HMCN1: variants seen among roughly 807,000 people sequenced by gnomAD.
The protein encoded by HMCN1 is hemicentin-1.
HMCN1 carries 321 observed loss-of-function variants against 625.9 expected under a neutral mutation model. The ratio of observed to expected loss-of-function variants is 0.51; its 90% CI spans 0.47 to 0.56. The LOEUF (loss-of-function observed/expected upper bound fraction) is 0.56, where lower values mean the gene tolerates loss of function less well. Ranked by LOEUF, HMCN1 falls within the 20% of genes least tolerant of loss-of-function variation. HMCN1 has a pLI of 0.00. For synonymous variants in HMCN1, 2,425 were observed against 2,417.6 expected, an observed-to-expected ratio of 1.00 and a Z score of -0.09; for missense variants, 6,588 against 6,887.3, an observed-to-expected ratio of 0.96 and a Z score of 1.54.
intron 11 of HMCN1, among the ~76,000 whole-genome samples, chr1:185,950,153 C>T (rs889480645): frequency 1.3e-5 from 2 of 151,148 alleles, no homozygotes; most frequent in South Asian, 2.1e-4. Flanking sequence ...GGTGTGGTAT[C>T]GGGAATAATG....
intron 3 of HMCN1, among the ~76,000 whole-genome samples, chr1:185,865,212 C>T (rs1663104378): frequency 6.6e-6 from 1 of 152,166 alleles, no homozygotes; most frequent in Non-Finnish European, 1.5e-5. Context: ...TTGGTTTAGG[C>T]ATGTCCTTCT....
intron 54 of HMCN1, 61 bp downstream of exon 54, chr1:186,076,683 G>A (rs1487988443): frequency 6.6e-7 from 1 of 1,510,652 alleles, no homozygotes; most frequent in Non-Finnish European, 9.1e-7. Flanking sequence ...TTCCTCTCAT[G>A]TATTAGACGA....
At chr1:185,839,159 T>C (rs1166929882) in intron 1 of HMCN1, among the ~76,000 whole-genome samples, 1 of 152,244 alleles carries the variant, frequency 6.6e-6, no homozygotes, top group Non-Finnish European at 1.5e-5. Flanking sequence ...ACTTTTCTCT[T>C]CTTCATCAAC....
chr1:185,832,012 A>T (rs79833691), intron 1 of HMCN1, among the ~76,000 whole-genome samples: 16,196 of 152,070 alleles, frequency 0.11, 2,777 homozygotes, highest in African/African-American at 0.36. Context: ...AAAGTTGATA[A>T]TGGCCGGGCG....
rs775110746 is a variant in HMCN1, at chr1:186,174,535, G to A, written c.15836G>A (p.Gly5279Glu). ...GTAGATATTGATGAATGTAAAGATG[G>A]GACCCATCAGTGCAGATATAACCAG... ...TCIDIDECKD[G>E]THQCRYNQIC... Residue 5279 changes from glycine (G) to glutamate (E), a missense_variant, in exon 103 of 107, where the codon GGG becomes GAG. Physicochemically the swap from Gly to Glu is moderately conservative, Grantham distance 98. This residue lies in a region of HMCN1 where 1,954 missense variants were observed against 2,013.1 expected (regional missense o/e 0.97). Transcript: ENST00000271588. The A allele has an allele frequency of 6.2e-7, 1 of 1,613,620 alleles. No individual in the cohort carries two copies. Among genetic ancestry groups the A allele is most frequent in the Non-Finnish European group, 8.5e-7 (1 of 1,179,684 alleles).
rs1651699866 is a variant in HMCN1 at position 185,982,330 on chromosome 1, T to C, written c.2731T>C (p.Cys911Arg). The C allele has an allele frequency of 6.2e-7, 1 of 1,613,284 alleles. No homozygotes were observed. The highest frequency in any genetic ancestry group is 8.5e-7 in the Non-Finnish European group (1 of 1,179,350). The change falls in exon 18 of 107, where the codon TGT becomes CGT. Residue 911 changes from cysteine (C) to arginine (R), a missense_variant. Transcript: ENST00000271588. ...VIEGQQLTLP[C>R]TLLAGNPIPE... ...TGAAGGACAGCAGCTTACTTTGCCC[T>C]GTACTCTGTTAGCTGGAAATCCCAT...
chr1:185,812,282 A>C (rs1166248551), intron 1 of HMCN1, among the ~76,000 whole-genome samples: 4 of 152,114 alleles, frequency 2.6e-5, no homozygotes, highest in Non-Finnish European at 5.9e-5. Flanking sequence ...TTATTTTGGC[A>C]TGTTTGATTG....
chr1:185,989,394 T>C, intron 20 of HMCN1, 94 bp from the exon 21 acceptor site: 1 of 1,439,726 alleles, frequency 6.9e-7, no homozygotes, highest in East Asian at 2.3e-5. Context: ...GATGTTTTTT[T>C]CTCTCTATTC....
chr1:185,779,972 T>C (rs972716090), intron 1 of HMCN1, among the ~76,000 whole-genome samples: 4 of 152,220 alleles, frequency 2.6e-5, no homozygotes, highest in Non-Finnish European at 5.9e-5. Flanking sequence ...ATTCTTCCTA[T>C]CCATGAGCAT....
At chr1:186,133,912 G>T (rs1649399621) in intron 86 of HMCN1, among the ~76,000 whole-genome samples, 1 of 149,644 alleles carries the variant, frequency 6.7e-6, no homozygotes, top group Admixed American at 6.7e-5. Flanking sequence ...CTTTACTGCA[G>T]ATTTTCCAGA....
chr1:186,123,353 G>A, intron 81 of HMCN1, 133 bp downstream of exon 81: 1 of 1,039,238 alleles, frequency 9.6e-7, no homozygotes, highest in Non-Finnish European at 1.4e-6. Context: ...GGGGTGTGGT[G>A]TGTAGGTGCA....
rs1246976583 is a variant in HMCN1 at position 186,074,828 on chromosome 1, T to C, written c.8227T>C (p.Tyr2743His). 1 of 1,613,104 alleles carries C rather than the reference T, an allele frequency of 6.2e-7. No homozygotes were observed. Among genetic ancestry groups the C allele is most frequent in the Non-Finnish European group, 8.5e-7 (1 of 1,179,344 alleles). Residue 2743 changes from tyrosine (Y) to histidine (H), a missense_variant, in exon 53 of 107, where the codon TAT becomes CAT. By Grantham distance (83) the Tyr-to-His change is moderately conservative. Coordinates refer to ENST00000271588, the MANE Select transcript of HMCN1 (RefSeq NM_031935.3). ...KEAQISDTGR[Y>H]TCVASNIAGE... is the part of the protein sequence containing the mutation. ...GGCTCAAATATCAGACACCGGACGA[T>C]ATACTTGTGTAGCATCTAACATTGC...
chr1:186,076,171 G>C (rs1024008717), intron 53 of HMCN1, among the ~76,000 whole-genome samples: 1 of 152,114 alleles, frequency 6.6e-6, no homozygotes, highest in Non-Finnish European at 1.5e-5. Flanking sequence ...AAGTGCCAGA[G>C]CCCTTTAACG....
At position 185,994,827 on chromosome 1, in the gene HMCN1, T is replaced by C. The variant is rs559672796; in HGVS notation, c.3518T>C (p.Ile1173Thr). Residue 1173 changes from isoleucine to threonine, a missense_variant, in exon 24 of 107, where the codon ATA (isoleucine) becomes ACA (threonine). Transcript: ENST00000271588. ...VKLNVHVPPK[I>T]QRGPKHLKVQ... ...TTATTATTTCTAGTTCCTCCAAAGATACAGCGTGGACCTAAACATCTCAAA... is the reference window on the plus strand; with the variant it reads ...TTATTATTTCTAGTTCCTCCAAAGACACAGCGTGGACCTAAACATCTCAAA... 16 of 1,613,522 alleles carry C rather than the reference T, an allele frequency of 9.9e-6. No individual in the cohort carries two copies. The East Asian group carries it at 3.3e-4, about 34-fold the overall frequency.
chr1:185,997,373 G>T (rs1652863541), intron 24 of HMCN1, 56 bp from the exon 25 acceptor site: 1 of 1,071,688 alleles, frequency 9.3e-7, no homozygotes, highest in African/African-American at 1.6e-5. Context: ...TGTGCCTTAG[G>T]AGAGTTTGAA....
chr1:185,963,857 C>A lies in HMCN1; in HGVS notation c.2060C>A (p.Ala687Asp). ...GIYGCLASNS[A>D]GTDKQNSTLR... ...TATGGTTGCCTAGCAAGTAATTCAG[C>A]TGGAACAGATAAACAGAATTCTACT... The change falls in exon 13 of 107, where the codon GCT (alanine) becomes GAT (aspartate). Residue 687 changes from alanine (A) to aspartate (D), a missense_variant. Around this residue, in one of 3 missense-constraint regions of HMCN1, gnomAD observed 4,628 missense variants for 4,853.1 expected, o/e 0.95. Coordinates refer to ENST00000271588, the MANE Select transcript of HMCN1 (RefSeq NM_031935.3). The A allele has an allele frequency of 6.2e-7, 1 of 1,611,996 alleles. No individual in the cohort carries two copies. The highest frequency in any genetic ancestry group is 8.5e-7 in the Non-Finnish European group (1 of 1,178,422).
intron 1 of HMCN1, among the ~76,000 whole-genome samples, chr1:185,809,113 C>T (rs182093164): frequency 5.3e-5 from 8 of 152,192 alleles, no homozygotes; most frequent in East Asian, 3.9e-4. Context: ...ACTTTATTAA[C>T]GTCTCTTTCA....
Position 185,734,991 on chromosome 1 carries a change from T to G in HMCN1, c.212T>G (p.Leu71Trp), listed in dbSNP as rs1286368364. The G allele has an allele frequency of 2.5e-6, 4 of 1,614,074 alleles. No homozygotes were observed. The Admixed American group carries it at 5.0e-5, about 20-fold the overall frequency. ...GCTTCCAAAATTTTGGAGACGTCTTTGAAAAGACCTAAAAGACCTCTTTTC... is the reference window on the plus strand; with the variant it reads ...GCTTCCAAAATTTTGGAGACGTCTTGGAAAAGACCTAAAAGACCTCTTTTC... ...EGASKILETS[L>W]KRPKRPLFNF... Residue 71 changes from leucine to tryptophan, a missense_variant, in exon 1 of 107, where the codon TTG becomes TGG. This residue lies in a region of HMCN1 where 4,628 missense variants were observed against 4,853.1 expected (regional missense o/e 0.95). Coordinates refer to ENST00000271588, the MANE Select transcript of HMCN1 (RefSeq NM_031935.3).
At chr1:185,750,212 G>A (rs1437488714) in intron 1 of HMCN1, among the ~76,000 whole-genome samples, 4 of 152,132 alleles carry the variant, frequency 2.6e-5, no homozygotes, top group Non-Finnish European at 5.9e-5. Flanking sequence ...CTGGCATATA[G>A]AAGGCACTCA....
Sources: gnomAD v4.1 joint callset for allele counts (sites outside exome capture counted in the v4.1 genomes callset) on GRCh38, gnomAD v4.1.1 for gene constraint, gnomAD v4.1.1 regional missense constraint, MANE v1.5 for transcripts, NCBI Gene and HGNC (gene_info 2026-07-23, HGNC 2026-07-21) for gene names.